Variants in LRR1 observed in about 807,000 individuals in gnomAD.
The protein encoded by LRR1 is leucine rich repeat protein 1.
Under a neutral mutation model 31.6 loss-of-function variants are expected in LRR1, and 29 were observed. That is an observed-to-expected ratio of 0.92 (90% CI 0.68 to 1.25). The LOEUF (loss-of-function observed/expected upper bound fraction) is 1.25. Ranked by LOEUF, LRR1 falls within the 50% of genes most tolerant of loss-of-function variation. LRR1 has a pLI of 0.00. For synonymous variants in LRR1, 179 were observed against 181.4 expected, an observed-to-expected ratio of 0.99 and a Z score of 0.10; for missense variants, 485 against 487.2, an observed-to-expected ratio of 1.00 and a Z score of 0.04.
chr14:49,600,379 C>G, intron 1 of LRR1: 2 of 1,598,100 alleles, frequency 1.3e-6, no homozygotes, highest in Non-Finnish European at 1.7e-6. Context: ...CGAGATGACC[C>G]CAAAACTTTA....
chr14:49,601,108 G>A, intron 1 of LRR1: 1 of 1,611,244 alleles, frequency 6.2e-7, no homozygotes, highest in Non-Finnish European at 8.5e-7. Context: ...AAGCGTACAG[G>A]AGATGGGCCA....
At position 49,599,183 on chromosome 14, in the gene LRR1, A is replaced by C. The variant is rs754110702; in HGVS notation, c.163A>C (p.Lys55Gln). The C allele has an allele frequency of 6.2e-7, 1 of 1,608,154 alleles. No individual in the cohort carries two copies. The highest frequency in any genetic ancestry group is 1.7e-5 in the Admixed American group (1 of 58,966). The change falls in exon 1 of 4, where the codon AAG (lysine) becomes CAG (glutamine). Residue 55 changes from lysine (K) to glutamine (Q), a missense_variant. Transcript: ENST00000298288. ...AFLLISTLKDKRGTRYELREN... is the reference protein window; with the variant it reads ...AFLLISTLKDQRGTRYELREN... ...CCTGCTCATCTCCACCCTGAAGGAC[A>C]AGCGCGGGACCCGCTATGAGGTGCG... is the stretch of plus-strand genomic sequence containing the variant.
intron 3 of LRR1, among the ~76,000 whole-genome samples, chr14:49,612,865 A>G (rs1882563057): frequency 6.6e-6 from 1 of 152,128 alleles, no homozygotes; most frequent in Non-Finnish European, 1.5e-5. Context: ...TGGGCAGGCA[A>G]TCTCAAGACT....
intron 1 of LRR1, chr14:49,600,555 C>G (rs1223216284): frequency 8.3e-6 from 13 of 1,574,374 alleles, no homozygotes; most frequent in Middle Eastern, 2.3e-4. Context: ...TCCAAAGAAA[C>G]ACACTGTAAA....
intron 1 of LRR1, chr14:49,599,847 G>A (rs1594582490): frequency 5.8e-6 from 2 of 342,480 alleles, no homozygotes; most frequent in South Asian, 2.4e-4. Flanking sequence ...CCGGCGAGGG[G>A]AGTCGCTGCT....
At chr14:49,602,269 A>C in intron 1 of LRR1, 101 bp from the exon 2 acceptor site, 2 of 1,064,040 alleles carry the variant, frequency 1.9e-6, no homozygotes, top group Non-Finnish European at 2.8e-6. Context: ...CTAAAAGCCA[A>C]ACCAAAGCCT....
rs577168247 is a variant in LRR1, at chr14:49,607,859, C to T, written c.742C>T (p.Leu248Phe). ...IKALPVQFCQ[L>F]QELKNLKLDD... ...GGCACTCCCTGTGCAGTTTTGCCAG[C>T]TCCAGGAACTTAAGAATTTAAAACT... is the stretch of plus-strand genomic sequence containing the variant. Residue 248 changes from leucine to phenylalanine, a missense_variant, in exon 3 of 4, where the codon CTC (leucine) becomes TTC (phenylalanine). Leu to Phe is a conservative substitution (Grantham distance 22, BLOSUM62 0). Around this residue, in one of 3 missense-constraint regions of LRR1, gnomAD observed 210 missense variants for 200.4 expected, o/e 1.05. Coordinates refer to ENST00000298288, the MANE Select transcript of LRR1 (RefSeq NM_152329.4). 1 of 1,613,556 alleles carries T rather than the reference C, an allele frequency of 6.2e-7. No individual in the cohort carries two copies. The highest frequency in any genetic ancestry group is 1.7e-5 in the Admixed American group (1 of 59,846).
chr14:49,610,555 A>G (rs1447331284), intron 3 of LRR1, among the ~76,000 whole-genome samples: 2 of 147,394 alleles, frequency 1.4e-5, no homozygotes, highest in Non-Finnish European at 3.0e-5. Context: ...ACTCCCAGCC[A>G]TTGTTCAGGT....
At chr14:49,601,989 C>T (rs1348893039) in intron 1 of LRR1, among the ~76,000 whole-genome samples, 2 of 151,768 alleles carry the variant, frequency 1.3e-5, no homozygotes, top group Admixed American at 6.6e-5. Flanking sequence ...AAAAATTAGC[C>T]GGGCATGGTG....
At chr14:49,599,345 A>G in intron 1 of LRR1, 142 bp downstream of exon 1, 1 of 927,326 alleles carries the variant, frequency 1.1e-6, no homozygotes, top group Admixed American at 2.9e-5. Context: ...CTTGAGACCT[A>G]CCATCAGCCC....
chr14:49,610,605 C>G (rs534756393), intron 3 of LRR1, among the ~76,000 whole-genome samples: 1 of 151,270 alleles, frequency 6.6e-6, no homozygotes, highest in African/African-American at 2.4e-5. Context: ...CACTCTTGCC[C>G]GGGCTGGAGT....
chr14:49,601,626 G>A, intron 1 of LRR1: 22 of 1,289,566 alleles, frequency 1.7e-5, no homozygotes, highest in Non-Finnish European at 2.1e-5. Context: ...GCCCACCCCA[G>A]GCTAATGGAC....
chr14:49,609,256 C>CACTCTGTT (rs1048707139), intron 3 of LRR1, among the ~76,000 whole-genome samples: 1 of 101,536 alleles, frequency 9.8e-6, no homozygotes, highest in African/African-American at 4.1e-5. Context: ...GACAGGGTCT[C>CACTCTGTT]ACTCTGTTGC....
intron 2 of LRR1, among the ~76,000 whole-genome samples, chr14:49,603,124 C>T (rs1317880327): frequency 1.3e-5 from 2 of 152,018 alleles, no homozygotes; most frequent in African/African-American, 2.4e-5. Flanking sequence ...GGATTACAGG[C>T]GTGAGCCACT....
Position 49,607,534 on chromosome 14 carries a change from T to G in LRR1, c.417T>G (p.Val139=), listed in dbSNP as rs546732096. ...TTGAAAACTTTAAAACTAAAATGGT[T>G]ATCACATCCAAAAAAGACTATCCTC... ...SEFENFKTKM[V]ITSKKDYPLS... Residue 139 remains valine (V), a synonymous_variant, in exon 3 of 4, where the codon GTT becomes GTG. Transcript: ENST00000298288. 1.2e-6 allele frequency: 2 copies of G among 1,614,034 alleles called. No individual in the cohort carries two copies. The highest frequency in any genetic ancestry group is 2.2e-5 in the East Asian group (1 of 44,892).
chr14:49,613,195 C>T (rs926339851), intron 3 of LRR1, among the ~76,000 whole-genome samples: 46 of 151,968 alleles, frequency 3.0e-4, no homozygotes, highest in Non-Finnish European at 8.8e-5. Flanking sequence ...AAAAATTAGC[C>T]AGGCGTGGTG....
chr14:49,602,930 G>T (rs562160547), intron 2 of LRR1, among the ~76,000 whole-genome samples: 2 of 152,022 alleles, frequency 1.3e-5, no homozygotes, highest in South Asian at 4.1e-4. Flanking sequence ...CCATCTCCCG[G>T]GTTCAAACAA....
At chr14:49,602,335 A>G in intron 1 of LRR1, 35 bp from the exon 2 acceptor site, 1 of 1,534,424 alleles carries the variant, frequency 6.5e-7, no homozygotes, top group South Asian at 1.1e-5. Flanking sequence ...AACAATAATT[A>G]GTTTTCTTCT....
intron 1 of LRR1, chr14:49,601,763 CAG>C (rs1436956372): frequency 3.0e-6 from 3 of 988,330 alleles, no homozygotes; most frequent in Non-Finnish European, 4.1e-6. Context: ...ACTGGACAGA[CAG>C]AGCAGTAACA....
Sources: allele counts gnomAD v4.1 joint callset (sites outside exome capture counted in the v4.1 genomes callset), GRCh38; gene constraint gnomAD v4.1.1; regional missense constraint gnomAD v4.1.1; transcripts MANE v1.5; gene names NCBI Gene and HGNC (gene_info 2026-07-23, HGNC 2026-07-21).